Variants in ST8SIA2 observed in about 807,000 individuals in gnomAD.
ST8SIA2 encodes the protein alpha-2,8-sialyltransferase 8B.
Under a neutral mutation model 37.6 loss-of-function variants are expected in ST8SIA2, and 22 were observed. That is an observed-to-expected ratio of 0.58 (90% CI 0.42 to 0.83). The LOEUF (loss-of-function observed/expected upper bound fraction) is 0.83, where lower values mean the gene tolerates loss of function less well. ST8SIA2 is among the 40% of genes least tolerant of loss of function. The pLI is 0.00. For synonymous variants in ST8SIA2, 205 were observed against 201.2 expected, an observed-to-expected ratio of 1.02 and a Z score of -0.16; for missense variants, 382 against 484.7, an observed-to-expected ratio of 0.79 and a Z score of 1.99.
At chr15:92,455,740 G>A (rs931492499) in intron 5 of ST8SIA2, among the ~76,000 whole-genome samples, 4 of 152,170 alleles carry the variant, frequency 2.6e-5, no homozygotes, top group African/African-American at 7.2e-5. Flanking sequence ...GATCACCCTT[G>A]TGCTGATATC....
Position 92,394,034 on chromosome 15 carries a change from C to T in ST8SIA2, c.-31C>T. The T allele has an allele frequency of 6.5e-7, 1 of 1,530,600 alleles. No individual in the cohort carries two copies. Among genetic ancestry groups the T allele is most frequent in the South Asian group, 1.2e-5 (1 of 82,252 alleles). 94.8% of individuals were successfully genotyped at this position (1,530,600 alleles called of 1,614,324 possible). Reference sequence around the variant, plus strand: ...TCCGGCCCCTGCTCCTCGCGCCGGCCCGCGTGGGTCCCGGCGGGCGCGAAC... The same window carrying T: ...TCCGGCCCCTGCTCCTCGCGCCGGCTCGCGTGGGTCCCGGCGGGCGCGAAC... On this transcript the variant is annotated 5_prime_UTR_variant, in exon 1 of 6. Transcript: ENST00000268164.
chr15:92,396,179 C>A (rs1567207974), intron 1 of ST8SIA2, among the ~76,000 whole-genome samples: 1 of 152,218 alleles, frequency 6.6e-6, no homozygotes, highest in Non-Finnish European at 1.5e-5. Flanking sequence ...CCTCTCTTGC[C>A]TCTCGTCCCA....
chr15:92,428,134 G>GT (rs1377016490), intron 1 of ST8SIA2, among the ~76,000 whole-genome samples: 3 of 152,124 alleles, frequency 2.0e-5, no homozygotes, highest in East Asian at 1.9e-4. Flanking sequence ...GTAGTGTAGG[G>GT]TTTTTTTAAA....
intron 4 of ST8SIA2, among the ~76,000 whole-genome samples, chr15:92,443,514 C>T (rs2049818168): frequency 6.6e-6 from 1 of 152,202 alleles, no homozygotes; most frequent in Admixed American, 6.5e-5. Context: ...GCAACTTCAT[C>T]TCATTGCTTT....
chr15:92,458,099 T>C (rs74521141), intron 5 of ST8SIA2, among the ~76,000 whole-genome samples: 3,812 of 152,338 alleles, frequency 0.025, 62 homozygotes, highest in Middle Eastern at 0.065. Context: ...TCCTAGGCTA[T>C]GCTACAGTAA....
intron 5 of ST8SIA2, among the ~76,000 whole-genome samples, chr15:92,449,966 T>C (rs375271729): frequency 3.3e-5 from 5 of 152,218 alleles, no homozygotes; most frequent in East Asian, 3.8e-4. Context: ...TTTTAAGCAT[T>C]GTTAATTGTA....
intron 1 of ST8SIA2, among the ~76,000 whole-genome samples, chr15:92,402,634 A>T (rs2049479788): frequency 6.6e-6 from 1 of 152,206 alleles, no homozygotes; most frequent in East Asian, 1.9e-4. Flanking sequence ...AGGGGATAGC[A>T]TGTTGGAGCC....
intron 4 of ST8SIA2, among the ~76,000 whole-genome samples, chr15:92,439,822 G>C (rs959357967): frequency 6.6e-6 from 1 of 152,134 alleles, no homozygotes; most frequent in Non-Finnish European, 1.5e-5. Flanking sequence ...AGGAAGAGTG[G>C]CTGGTCTGTC....
intron 4 of ST8SIA2, among the ~76,000 whole-genome samples, chr15:92,440,832 G>A (rs940589881): frequency 1.3e-5 from 2 of 152,216 alleles, no homozygotes; most frequent in South Asian, 2.1e-4. Context: ...GCATGATGTT[G>A]CAAGCATTAA....
chr15:92,407,897 G>T (rs1210178400), intron 1 of ST8SIA2, among the ~76,000 whole-genome samples: 1 of 152,150 alleles, frequency 6.6e-6, no homozygotes, highest in East Asian at 1.9e-4. Flanking sequence ...CAATTTAAAG[G>T]AAAGTATTAA....
chr15:92,459,376 G>C (rs16946953), intron 5 of ST8SIA2, among the ~76,000 whole-genome samples: 3,068 of 152,220 alleles, frequency 0.02, 78 homozygotes, highest in African/African-American at 0.058. Context: ...AGTTGCCATG[G>C]GGTGAAAAAT....
At chr15:92,409,109 G>A (rs78984631) in intron 1 of ST8SIA2, among the ~76,000 whole-genome samples, 4,008 of 152,278 alleles carry the variant, frequency 0.026, 161 homozygotes, top group African/African-American at 0.091. Flanking sequence ...AGGCGAATCC[G>A]CAGTTCTATA....
intron 1 of ST8SIA2, among the ~76,000 whole-genome samples, chr15:92,415,972 A>G (rs184173064): frequency 6.6e-6 from 1 of 152,192 alleles, no homozygotes; most frequent in African/African-American, 2.4e-5. Flanking sequence ...TCTCTGTGCC[A>G]TGCTAAGGGA....
intron 3 of ST8SIA2, among the ~76,000 whole-genome samples, chr15:92,435,672 G>A (rs1312846068): frequency 6.6e-6 from 1 of 152,076 alleles, no homozygotes; most frequent in African/African-American, 2.4e-5. Flanking sequence ...TGAGCTCTGG[G>A]GACCTAGCAG....
chr15:92,432,526 C>T (rs2049723233), intron 2 of ST8SIA2, among the ~76,000 whole-genome samples: 5 of 152,162 alleles, frequency 3.3e-5, no homozygotes, highest in Admixed American at 3.3e-4. Context: ...AAGCTATCGA[C>T]CCACAGTCAC....
intron 2 of ST8SIA2, among the ~76,000 whole-genome samples, chr15:92,431,244 C>T (rs763595855): frequency 6.6e-6 from 1 of 152,152 alleles, no homozygotes; most frequent in Non-Finnish European, 1.5e-5. Context: ...CTTGAGGGGC[C>T]ACAGTCTCAT....
intron 5 of ST8SIA2, among the ~76,000 whole-genome samples, chr15:92,445,416 G>A (rs912968996): frequency 6.6e-6 from 1 of 152,218 alleles, no homozygotes; most frequent in Non-Finnish European, 1.5e-5. Flanking sequence ...ATGAGATAAT[G>A]TACGTGAAAT....
chr15:92,403,192 G>A (rs1458556070), intron 1 of ST8SIA2, among the ~76,000 whole-genome samples: 1 of 152,180 alleles, frequency 6.6e-6, no homozygotes, highest in Non-Finnish European at 1.5e-5. Context: ...TGGAGACTCA[G>A]AGAGGTCTCG....
At chr15:92,402,219 C>T (rs1050699587) in intron 1 of ST8SIA2, among the ~76,000 whole-genome samples, 16 of 152,230 alleles carry the variant, frequency 1.1e-4, no homozygotes, top group African/African-American at 3.6e-4. Context: ...AGTAGCCTCA[C>T]TCCTCACATA....
Sources: allele counts gnomAD v4.1 joint callset (sites outside exome capture counted in the v4.1 genomes callset), GRCh38; gene constraint gnomAD v4.1.1; transcripts MANE v1.5; gene names NCBI Gene and HGNC (gene_info 2026-07-23, HGNC 2026-07-21).